Variants in DUSP22 observed in about 807,000 individuals in gnomAD.
DUSP22 encodes dual specificity phosphatase 22, also known as dual specificity protein phosphatase 22.
In DUSP22, 24 loss-of-function variants were observed where a neutral mutation model predicts 24.5. The observed-to-expected ratio is 0.98, with a 90% confidence interval of 0.71 to 1.38. The LOEUF (loss-of-function observed/expected upper bound fraction) is 1.38, where lower values mean the gene tolerates loss of function less well. Ranked by LOEUF, DUSP22 falls within the 40% of genes most tolerant of loss-of-function variation. The pLI, the probability that DUSP22 is intolerant of heterozygous loss-of-function variation, is 0.00. For missense variants in DUSP22, 330 were observed against 269.2 expected (o/e 1.23, Z -1.58); for synonymous variants, 160 against 106.4 (o/e 1.50, Z -3.10).
At chr6:334,021 T>G (rs1319695688) in intron 3 of DUSP22, among the ~76,000 whole-genome samples, 1 of 152,302 alleles carries the variant, frequency 6.6e-6, no homozygotes, top group Non-Finnish European at 1.5e-5. Context: ...CAGAAATTCC[T>G]AACAATAGGA....
chr6:342,939 C>T (rs549580764), intron 4 of DUSP22, among the ~76,000 whole-genome samples: 45 of 152,414 alleles, frequency 3.0e-4, no homozygotes, highest in East Asian at 1.3e-3. Flanking sequence ...CAACCGCAGA[C>T]GGCTAGTTGT....
Position 344,163 on chromosome 6 carries a change from A to G in DUSP22, c.189-1691A>G, listed in dbSNP as rs931776060. Among the ~76,000 whole-genome samples the G allele has an allele frequency of 6.6e-5, 10 of 151,346 alleles. No homozygotes were observed. In the East Asian group the frequency reaches 9.6e-4, roughly 15 times the overall value. ...CAGGGACTTGGCACAAGGCCGTGCA[A>G]CCAGGCACTCCCTGAACGGTTAGGG... On this transcript the variant is annotated intron_variant, in intron 4 of 6. Coordinates refer to ENST00000419235, the MANE Select transcript of DUSP22 (RefSeq NM_001286555.3).
intron 1 of DUSP22, among the ~76,000 whole-genome samples, chr6:294,981 C>G (rs1204272250): frequency 2.6e-5 from 4 of 152,284 alleles, no homozygotes; most frequent in Non-Finnish European, 5.9e-5. Context: ...TCACAAGGTT[C>G]ATTAGTGGCA....
At chr6:343,274 C>T (rs1759695599) in intron 4 of DUSP22, among the ~76,000 whole-genome samples, 1 of 152,284 alleles carries the variant, frequency 6.6e-6, no homozygotes, top group Non-Finnish European at 1.5e-5. Context: ...CTCATCTGGC[C>T]CAGAAGTGGC....
At chr6:348,379 C>G in intron 6 of DUSP22, 105 bp downstream of exon 6, 1 of 1,540,220 alleles carries the variant, frequency 6.5e-7, no homozygotes, top group Non-Finnish European at 8.8e-7. Flanking sequence ...AGTTGAAAGG[C>G]CCACAGAGGA....
At chr6:346,401 CTGTT>C (rs1759874375) in intron 5 of DUSP22, among the ~76,000 whole-genome samples, 3 of 152,238 alleles carry the variant, frequency 2.0e-5, no homozygotes, top group Non-Finnish European at 1.5e-5. Flanking sequence ...TGACGGCTGT[CTGTT>C]TGCATCCTGC....
rs898939555 is a variant in DUSP22, at chr6:350,540, G to A, written c.*1589G>A. The stretch of plus-strand genomic sequence containing the variant: ...CAAAGGTGAGCTTTTTGGGGACCGG[G>A]AAAAACAAAGTTGCCTGATTCCGCG... On this transcript the variant is annotated 3_prime_UTR_variant, in exon 7 of 7. Transcript: ENST00000419235. 1 of 1,345,912 alleles carries A rather than the reference G, an allele frequency of 7.4e-7. No individual in the cohort carries two copies. The highest frequency in any genetic ancestry group is 1.7e-5 in the South Asian group (1 of 59,944). 83.4% of individuals were successfully genotyped at this position (1,345,912 alleles called of 1,614,324 possible).
At chr6:319,541 G>T (rs1195220266) in intron 3 of DUSP22, among the ~76,000 whole-genome samples, 1 of 152,302 alleles carries the variant, frequency 6.6e-6, no homozygotes, top group African/African-American at 2.4e-5. Flanking sequence ...GACACAAAAT[G>T]AATCTGTGCC....
At chr6:330,195 C>T (rs1184296490) in intron 3 of DUSP22, among the ~76,000 whole-genome samples, 1 of 152,304 alleles carries the variant, frequency 6.6e-6, no homozygotes, top group Non-Finnish European at 1.5e-5. Flanking sequence ...ACCGGGGCTT[C>T]TAGTGGTGAC....
At position 350,936 on chromosome 6, in the gene DUSP22, A is replaced by G; in HGVS notation, c.*1985A>G. The G allele has an allele frequency of 6.2e-7, 1 of 1,602,648 alleles. No homozygotes were observed. Among genetic ancestry groups the G allele is most frequent in the Non-Finnish European group, 8.5e-7 (1 of 1,170,480 alleles). On this transcript the variant is annotated 3_prime_UTR_variant, in exon 7 of 7. Transcript: ENST00000419235. ...GGCTGGTGCTGCCAAAAAGAAAAGC[A>G]ACATAGAGTTTAAGTATCCAGTAGT...
At chr6:337,361 A>G (rs796510445) in intron 4 of DUSP22, among the ~76,000 whole-genome samples, 5 of 152,422 alleles carry the variant, frequency 3.3e-5, no homozygotes, top group African/African-American at 9.6e-5. Flanking sequence ...AACTCTGAGC[A>G]CTTGTAAAAC....
At chr6:326,371 T>C (rs1160280873) in intron 3 of DUSP22, among the ~76,000 whole-genome samples, 2 of 149,264 alleles carry the variant, frequency 1.3e-5, no homozygotes, top group African/African-American at 5.0e-5. Context: ...TATCTGCTGG[T>C]GCCTGGAGTC....
intron 1 of DUSP22, among the ~76,000 whole-genome samples, chr6:295,879 G>A (rs1323699448): frequency 2.6e-5 from 4 of 152,010 alleles, no homozygotes; most frequent in African/African-American, 7.2e-5. Context: ...TCAGCCTCAC[G>A]GTAGCCCTAT....
Position 304,532 on chromosome 6 carries a change from C to G in DUSP22, c.22-96C>G, listed in dbSNP as rs1016628929. The G allele has an allele frequency of 1.8e-5, 29 of 1,569,772 alleles. No individual in the cohort carries two copies. In the African/African-American group the frequency reaches 3.6e-4, roughly 20 times the overall value. On this transcript the variant is annotated intron_variant, in intron 1 of 6. Coordinates refer to ENST00000419235, the MANE Select transcript of DUSP22 (RefSeq NM_001286555.3). ...GGTGCTGTACTGGGGAAGCACCTGG[C>G]CTTTGCAGGGATCCTGCTGCTGGAT...
chr6:311,309 C>A (rs988290883), intron 2 of DUSP22, among the ~76,000 whole-genome samples: 1 of 152,302 alleles, frequency 6.6e-6, no homozygotes, highest in African/African-American at 2.4e-5. Context: ...TGCACCTGAT[C>A]ATTTAAAGGG....
intron 1 of DUSP22, among the ~76,000 whole-genome samples, chr6:293,904 C>T (rs369731514): frequency 2.6e-5 from 4 of 151,044 alleles, no homozygotes; most frequent in African/African-American, 7.3e-5. Flanking sequence ...AATCCATCAG[C>T]ACCACGAGCC....
At chr6:321,740 A>G (rs1264330850) in intron 3 of DUSP22, among the ~76,000 whole-genome samples, 1 of 152,308 alleles carries the variant, frequency 6.6e-6, no homozygotes, top group Non-Finnish European at 1.5e-5. Flanking sequence ...TTAAAAAAAA[A>G]GGAACAATCC....
intron 3 of DUSP22, among the ~76,000 whole-genome samples, chr6:328,402 T>C (rs1758984059): frequency 6.6e-6 from 1 of 152,306 alleles, no homozygotes; most frequent in East Asian, 1.9e-4. Context: ...AGCCTTGCAC[T>C]GAAATATCTT....
intron 2 of DUSP22, among the ~76,000 whole-genome samples, chr6:307,753 G>A (rs1757876030): frequency 6.6e-6 from 1 of 152,302 alleles, no homozygotes; most frequent in Non-Finnish European, 1.5e-5. Context: ...AACGCTCTTA[G>A]GTACTGTGTG....
Sources: gnomAD v4.1 joint callset for allele counts (sites outside exome capture counted in the v4.1 genomes callset) on GRCh38, gnomAD v4.1.1 for gene constraint, MANE v1.5 for transcripts, NCBI Gene and HGNC (gene_info 2026-07-23, HGNC 2026-07-21) for gene names.